Variants in EGFR observed in about 807,000 individuals in gnomAD.
The protein encoded by EGFR is epidermal growth factor receptor.
In EGFR, 58 loss-of-function variants were observed where a neutral mutation model predicts 143.0. That is an observed-to-expected ratio of 0.41 (90% CI 0.33 to 0.50). EGFR has a LOEUF of 0.50. Among genes scored for constraint, EGFR ranks in the 20% least tolerant of loss-of-function variants. The pLI is 0.39. For missense variants in EGFR, 1,307 were observed against 1,579.0 expected (o/e 0.83, Z 2.92); for synonymous variants, 613 against 594.4 (o/e 1.03, Z -0.45).
intron 4 of EGFR, among the ~76,000 whole-genome samples, chr7:55,149,107 A>G (rs1263306933): frequency 6.6e-6 from 1 of 152,124 alleles, no homozygotes; most frequent in Admixed American, 6.5e-5. Flanking sequence ...GGAAACATAA[A>G]TATGAATATT....
rs768053932 is a variant in EGFR, at chr7:55,170,296, T to G, written c.1881-879T>G. 3.1e-6 allele frequency: 5 copies of G among 1,614,172 alleles called. No homozygotes were observed. In the South Asian group the frequency reaches 5.5e-5, roughly 18 times the overall value. On this transcript the variant is annotated intron_variant, in intron 15 of 27. Transcript: ENST00000275493. ...TCACATATTGAAATGTACTTGTCCA[T>G]CTTTCTCCAGGCCAGGAAATGAGAG...
intron 1 of EGFR, 121 bp from the exon 2 acceptor site, chr7:55,142,165 G>C: frequency 8.2e-7 from 1 of 1,216,198 alleles, no homozygotes; most frequent in South Asian, 1.3e-5. Flanking sequence ...GAATGGGTGA[G>C]TCTCTGTGTG....
chr7:55,116,571 T>C (rs1449380108), intron 1 of EGFR, among the ~76,000 whole-genome samples: 1 of 152,066 alleles, frequency 6.6e-6, no homozygotes, highest in Non-Finnish European at 1.5e-5. Flanking sequence ...CAAAGGTGTG[T>C]AATTTGGCCA....
At chr7:55,092,442 C>T (rs1310227040) in intron 1 of EGFR, among the ~76,000 whole-genome samples, 1 of 152,200 alleles carries the variant, frequency 6.6e-6, no homozygotes, top group African/African-American at 2.4e-5. Flanking sequence ...GCTCCAATTT[C>T]CTGGTGATTT....
rs1421825015 is a variant in EGFR at position 55,198,786 on chromosome 7, C to T, written c.2771C>T (p.Ser924Phe). The T allele has an allele frequency of 6.2e-7, 1 of 1,613,972 alleles. No individual in the cohort carries two copies. The highest frequency in any genetic ancestry group is 8.5e-7 in the Non-Finnish European group (1 of 1,180,002). The change falls in exon 23 of 28, where the codon TCC becomes TTC. Residue 924 changes from serine to phenylalanine, a missense_variant. This residue lies in a region of EGFR where 348 missense variants were observed against 451.5 expected (regional missense o/e 0.77). Coordinates refer to ENST00000275493, the MANE Select transcript of EGFR (RefSeq NM_005228.5). ...GACGGAATCCCTGCCAGCGAGATCT[C>T]CTCCATCCTGGAGAAAGGAGAACGC... ...PYDGIPASEI[S>F]SILEKGERLP...
chr7:55,187,149 C>T (rs1787174425), intron 20 of EGFR, among the ~76,000 whole-genome samples: 1 of 152,080 alleles, frequency 6.6e-6, no homozygotes, highest in South Asian at 2.1e-4. Context: ...AGGGGTGGAC[C>T]CCTCAGGGCC....
At chr7:55,147,723 G>C (rs17336486) in intron 4 of EGFR, among the ~76,000 whole-genome samples, 4 of 151,942 alleles carry the variant, frequency 2.6e-5, no homozygotes, top group Admixed American at 2.6e-4. Flanking sequence ...TCCACACACA[G>C]AACTCTTTTA....
intron 1 of EGFR, among the ~76,000 whole-genome samples, chr7:55,087,163 G>C (rs566185849): frequency 6.6e-6 from 1 of 151,212 alleles, no homozygotes; most frequent in Admixed American, 6.6e-5. Flanking sequence ...AGGATGGCTC[G>C]GATGCTGCAT....
intron 27 of EGFR, among the ~76,000 whole-genome samples, chr7:55,204,541 TAC>T (rs998304354): frequency 5.5e-5 from 6 of 108,478 alleles, no homozygotes; most frequent in Admixed American, 2.0e-4. Context: ...TACGCATATA[TAC>T]ACACACACAT....
At chr7:55,062,545 A>G (rs1251875655) in intron 1 of EGFR, among the ~76,000 whole-genome samples, 7 of 152,170 alleles carry the variant, frequency 4.6e-5, no homozygotes, top group African/African-American at 1.7e-4. Context: ...GCTCATCTGC[A>G]TGGAAAAATG....
At chr7:55,112,231 G>A (rs775132609) in intron 1 of EGFR, among the ~76,000 whole-genome samples, 4 of 152,196 alleles carry the variant, frequency 2.6e-5, no homozygotes, top group Non-Finnish European at 5.9e-5. Context: ...ATAGCCACAC[G>A]ATTTAAGGGT....
At chr7:55,062,520 TTC>T (rs1271365919) in intron 1 of EGFR, among the ~76,000 whole-genome samples, 1 of 152,216 alleles carries the variant, frequency 6.6e-6, no homozygotes, top group African/African-American at 2.4e-5. Flanking sequence ...TGAGCATGTT[TTC>T]TCTTTCATTG....
chr7:55,062,571 A>G (rs1490364390), intron 1 of EGFR, among the ~76,000 whole-genome samples: 1 of 152,140 alleles, frequency 6.6e-6, no homozygotes, highest in Non-Finnish European at 1.5e-5. Flanking sequence ...GGGTTTCTGA[A>G]TATAACTCCA....
intron 1 of EGFR, among the ~76,000 whole-genome samples, chr7:55,117,663 G>A (rs896806864): frequency 5.3e-5 from 8 of 152,170 alleles, no homozygotes; most frequent in African/African-American, 1.4e-4. Context: ...AGTCCTAGGC[G>A]GTATTCCCTT....
intron 1 of EGFR, among the ~76,000 whole-genome samples, chr7:55,105,258 TTGGTG>T (rs1258174511): frequency 6.6e-6 from 1 of 152,220 alleles, no homozygotes; most frequent in Non-Finnish European, 1.5e-5. Flanking sequence ...CACATACCTT[TTGGTG>T]TGGTTTGTGG....
At chr7:55,080,449 G>A (rs1790398105) in intron 1 of EGFR, among the ~76,000 whole-genome samples, 1 of 151,728 alleles carries the variant, frequency 6.6e-6, no homozygotes, top group Non-Finnish European at 1.5e-5. Flanking sequence ...GGCACCAAAA[G>A]AAAAACATTG....
At chr7:55,186,655 G>A (rs1157185261) in intron 20 of EGFR, among the ~76,000 whole-genome samples, 1 of 152,216 alleles carries the variant, frequency 6.6e-6, no homozygotes, top group Non-Finnish European at 1.5e-5. Context: ...AGCTCACAGT[G>A]CTGTTGAAGC....
intron 1 of EGFR, among the ~76,000 whole-genome samples, chr7:55,069,173 T>A (rs998102849): frequency 1.3e-5 from 2 of 152,342 alleles, no homozygotes; most frequent in South Asian, 4.1e-4. Context: ...AAATGCTCTA[T>A]GGTTAATTTT....
chr7:55,098,649 T>C (rs943927688), intron 1 of EGFR, among the ~76,000 whole-genome samples: 2 of 152,210 alleles, frequency 1.3e-5, no homozygotes, highest in East Asian at 3.8e-4. Flanking sequence ...TTTGCTTATC[T>C]ATAATTCTAA....
Sources: gnomAD v4.1 joint callset for allele counts (sites outside exome capture counted in the v4.1 genomes callset) on GRCh38, gnomAD v4.1.1 for gene constraint, gnomAD v4.1.1 regional missense constraint, MANE v1.5 for transcripts, NCBI Gene and HGNC (gene_info 2026-07-23, HGNC 2026-07-21) for gene names.